The following HSD17B7 variants were observed in gnomAD, a reference collection of about 807,000 sequenced individuals.
HSD17B7 encodes hydroxysteroid 17-beta dehydrogenase 7, also known as 3-keto-steroid reductase/17-beta-hydroxysteroid dehydrogenase 7.
Under a neutral mutation model 34.1 loss-of-function variants are expected in HSD17B7, and 17 were observed. The ratio of observed to expected loss-of-function variants is 0.50; its 90% confidence interval spans 0.34 to 0.75. The LOEUF is 0.75. Ranked by LOEUF, HSD17B7 falls within the 30% of genes least tolerant of loss-of-function variation. HSD17B7 has a pLI of 0.01. For synonymous variants in HSD17B7, 122 were observed against 154.6 expected (o/e 0.79, Z 1.56); for missense variants, 296 against 406.6 (o/e 0.73, Z 2.34).
intron 2 of HSD17B7, among the ~76,000 whole-genome samples, chr1:162,794,108 G>T (rs1043752657): frequency 6.6e-6 from 1 of 152,130 alleles, no homozygotes; most frequent in Non-Finnish European, 1.5e-5. Flanking sequence ...AGGAATTTAT[G>T]ATGAAAAAAG....
chr1:162,811,516 T>G (rs1436170475), intron 8 of HSD17B7, among the ~76,000 whole-genome samples: 1 of 152,242 alleles, frequency 6.6e-6, no homozygotes, highest in African/African-American at 2.4e-5. Flanking sequence ...GGCTGAAAGT[T>G]TGCCTGTACA....
intron 1 of HSD17B7, among the ~76,000 whole-genome samples, chr1:162,791,215 T>A (rs1648394707): frequency 6.6e-6 from 1 of 152,096 alleles, no homozygotes; most frequent in Non-Finnish European, 1.5e-5. Flanking sequence ...ACTCCAGGTG[T>A]TTTGTCTGTA....
At chr1:162,805,893 G>T (rs1439516384) in intron 8 of HSD17B7, among the ~76,000 whole-genome samples, 1 of 152,142 alleles carries the variant, frequency 6.6e-6, no homozygotes, top group Non-Finnish European at 1.5e-5. Flanking sequence ...CCATTTCCTA[G>T]CAGGCTGCCT....
At chr1:162,803,311 A>G in intron 5 of HSD17B7, 120 bp from the exon 6 acceptor site, 1 of 1,134,366 alleles carries the variant, frequency 8.8e-7, no homozygotes, top group East Asian at 2.8e-5. Context: ...CTCAGAACAT[A>G]AATTCTTTAT....
At chr1:162,798,142 A>G (rs1397920443) in intron 4 of HSD17B7, 2 of 741,622 alleles carry the variant, frequency 2.7e-6, no homozygotes, top group Non-Finnish European at 1.9e-6. Flanking sequence ...GATTTACAGA[A>G]TTACTGCAAA....
Position 162,796,771 on chromosome 1 carries a change from A to G in HSD17B7, c.332+94A>G, listed in dbSNP as rs970071048. On this transcript the variant is annotated intron_variant, in intron 3 of 8. Coordinates refer to ENST00000254521, the MANE Select transcript of HSD17B7 (RefSeq NM_016371.4). ...ATGTTAAGTTGGGGGGATGAAAGGT[A>G]AGGGGTTGTTGAAAAGGTTGAAGAC... 1.9e-5 allele frequency: 15 copies of G among 802,784 alleles called. No homozygotes were observed. The African/African-American group carries it at 2.5e-4, about 13-fold the overall frequency. The allele number at this position is 802,784 out of a possible 1,614,324, so 49.7% of individuals were successfully genotyped here. A position where few individuals can be genotyped will look rare whatever the true frequency, so the allele number is the denominator to read the frequency against.
rs1649204027 is a variant in HSD17B7 at position 162,812,682 on chromosome 1, T to C, written c.*262T>C. The stretch of plus-strand genomic sequence containing the variant: ...GACAGCGAGACCCTGTCTCAAAATA[T>C]GTATATATTTAATATATATATAAAA... On this transcript the variant is annotated 3_prime_UTR_variant, in exon 9 of 9. Transcript: ENST00000254521. 1 of 219,154 alleles carries C rather than the reference T, an allele frequency of 4.6e-6. No homozygotes were observed. The highest frequency in any genetic ancestry group is 9.0e-6 in the Non-Finnish European group (1 of 110,552). 13.6% of individuals were successfully genotyped at this position (219,154 alleles called of 1,614,324 possible).
chr1:162,805,730 A>C (rs1455466272), intron 8 of HSD17B7, among the ~76,000 whole-genome samples: 6 of 152,140 alleles, frequency 3.9e-5, no homozygotes, highest in South Asian at 2.1e-4. Context: ...CCTTCAGATC[A>C]GTTTATCCCA....
intron 3 of HSD17B7, 189 bp from the exon 4 acceptor site, chr1:162,797,613 G>A: frequency 3.2e-6 from 2 of 617,590 alleles, no homozygotes. Context: ...AATTAGTGGG[G>A]GGAAGGAGGG....
chr1:162,791,862 TG>T (rs1648420723), intron 1 of HSD17B7, among the ~76,000 whole-genome samples: 1 of 152,170 alleles, frequency 6.6e-6, no homozygotes, highest in South Asian at 2.1e-4. Flanking sequence ...AGGCTCTTTT[TG>T]GGTTTTAACT....
At chr1:162,800,986 C>T (rs1456151108) in intron 5 of HSD17B7, among the ~76,000 whole-genome samples, 2 of 151,932 alleles carry the variant, frequency 1.3e-5, no homozygotes, top group Admixed American at 6.6e-5. Flanking sequence ...AATGATGCCC[C>T]CCTTTTTTTT....
At chr1:162,800,465 G>A (rs928171216) in intron 5 of HSD17B7, among the ~76,000 whole-genome samples, 8 of 152,212 alleles carry the variant, frequency 5.3e-5, no homozygotes, top group Admixed American at 1.3e-4. Context: ...GGACAGTCAA[G>A]TAGTTATGAA....
At chr1:162,805,524 T>TG (rs1648954100) in intron 8 of HSD17B7, 32 bp downstream of exon 8, 1 of 1,606,000 alleles carries the variant, frequency 6.2e-7, no homozygotes, top group Admixed American at 1.7e-5. Flanking sequence ...CACTGATGTT[T>TG]GCTGTTGGGT....
At chr1:162,806,994 T>C (rs2102236749) in intron 8 of HSD17B7, among the ~76,000 whole-genome samples, 2 of 152,342 alleles carry the variant, frequency 1.3e-5, no homozygotes, top group East Asian at 3.9e-4. Flanking sequence ...ATTATTATAC[T>C]TTAAGTTCTA....
chr1:162,803,014 G>A (rs1416758564), intron 5 of HSD17B7: 1 of 155,316 alleles, frequency 6.4e-6, no homozygotes, highest in Non-Finnish European at 1.4e-5. Context: ...CTATTTATTA[G>A]GCCAGAAACT....
rs1436565170 is a variant in HSD17B7, at chr1:162,803,453, G to C, written c.665G>C (p.Cys222Ser). ...TAGGGTCTCTATTCCAATGTGGCCT[G>C]TCCAGGTACAGCATTGACCAATTTG... ...NQQGLYSNVA[C>S]PGTALTNLTY... The change falls in exon 6 of 9, where the codon TGT becomes TCT. Residue 222 changes from cysteine (C) to serine (S), a missense_variant. Transcript: ENST00000254521. The C allele has an allele frequency of 1.2e-6, 2 of 1,612,892 alleles. No individual in the cohort carries two copies. Among genetic ancestry groups the C allele is most frequent in the African/African-American group, 1.3e-5 (1 of 74,964 alleles).
intron 5 of HSD17B7, among the ~76,000 whole-genome samples, chr1:162,800,545 G>C (rs1465797775): frequency 6.6e-6 from 1 of 152,194 alleles, no homozygotes; most frequent in Non-Finnish European, 1.5e-5. Flanking sequence ...CAGTTTATGG[G>C]ATGTTTTTCA....
In HSD17B7 at chr1:162,812,641, G is replaced by A. The variant is rs983390638; in HGVS notation, c.*221G>A. The A allele has an allele frequency of 8.1e-5, 28 of 347,134 alleles. No individual in the cohort carries two copies. The highest frequency in any genetic ancestry group is 1.2e-4 in the Non-Finnish European group (23 of 193,682). The allele number at this position is 347,134 out of a possible 1,614,324, so 21.5% of individuals were successfully genotyped here. A position where few individuals can be genotyped will look rare whatever the true frequency, so the allele number is the denominator to read the frequency against. ...TGCAGTGAGCTGAGATTGTGCCACT[G>A]CACTCCAGCCTGGGTGACAGCGAGA... is the stretch of plus-strand genomic sequence containing the variant. On this transcript the variant is annotated 3_prime_UTR_variant, in exon 9 of 9. Transcript: ENST00000254521.
chr1:162,793,703 C>A (rs1303812328), intron 2 of HSD17B7, among the ~76,000 whole-genome samples: 1 of 152,196 alleles, frequency 6.6e-6, no homozygotes, highest in Non-Finnish European at 1.5e-5. Context: ...CATTTGAATT[C>A]ATTTTTTACA....
Sources: allele counts gnomAD v4.1 joint callset (sites outside exome capture counted in the v4.1 genomes callset), GRCh38; gene constraint gnomAD v4.1.1; transcripts MANE v1.5; gene names NCBI Gene and HGNC (gene_info 2026-07-23, HGNC 2026-07-21).